The following EVL variants were observed in gnomAD, a reference collection of about 807,000 sequenced individuals.
EVL encodes the protein Enah/Vasp-like.
In EVL, 21 loss-of-function variants were observed where a neutral mutation model predicts 59.6. The ratio of observed to expected loss-of-function variants is 0.35; its 90% CI spans 0.25 to 0.51. EVL has a LOEUF of 0.51. EVL is among the 20% of genes least tolerant of loss of function. The pLI is 0.97. For synonymous variants in EVL, 198 were observed against 203.5 expected, an observed-to-expected ratio of 0.97 and a Z score of 0.23; for missense variants, 462 against 546.6, an observed-to-expected ratio of 0.85 and a Z score of 1.54.
intron 8 of EVL, chr14:100,135,698 C>A: frequency 1.8e-6 from 1 of 545,544 alleles, no homozygotes; most frequent in East Asian, 3.2e-5. Context: ...TAGCCTTCCC[C>A]TTCCCCAGCT....
Position 100,132,712 on chromosome 14 carries a change from T to C in EVL, c.840-7T>C. 3 of 1,614,142 alleles carry C rather than the reference T, an allele frequency of 1.9e-6. No individual in the cohort carries two copies. The highest frequency in any genetic ancestry group is 1.7e-6 in the Non-Finnish European group (2 of 1,180,002). On this transcript the variant is annotated splice_region_variant and splice_polypyrimidine_tract_variant and intron_variant, in intron 7 of 13. Coordinates refer to ENST00000392920, the MANE Select transcript of EVL (RefSeq NM_016337.3). ...CTGATCTGTATCTTCCCCTTCTCTGTGCCTAGGAGAAAAGCAGCCTCCCAG... is the reference window on the plus strand; with the variant it reads ...CTGATCTGTATCTTCCCCTTCTCTGCGCCTAGGAGAAAAGCAGCCTCCCAG...
At chr14:100,104,930 A>G (rs1280964146) in intron 3 of EVL, among the ~76,000 whole-genome samples, 1 of 49,506 alleles carries the variant, frequency 2.0e-5, no homozygotes, top group Non-Finnish European at 3.9e-5. Context: ...TTTTTTTTTA[A>G]CTTTTGGAGC....
intron 1 of EVL, among the ~76,000 whole-genome samples, chr14:100,007,078 T>C (rs1376648484): frequency 1.3e-5 from 2 of 151,986 alleles, no homozygotes; most frequent in Non-Finnish European, 2.9e-5. Flanking sequence ...GAAAGTTTAT[T>C]TTGCCAAGGT....
At chr14:100,031,076 G>T (rs559640900) in intron 1 of EVL, among the ~76,000 whole-genome samples, 1 of 152,172 alleles carries the variant, frequency 6.6e-6, no homozygotes, top group African/African-American at 2.4e-5. Context: ...TACATTCTGG[G>T]GTGGTTCTCC....
chr14:99,975,728 A>G (rs2060765979), intron 1 of EVL, among the ~76,000 whole-genome samples: 1 of 152,200 alleles, frequency 6.6e-6, no homozygotes, highest in Non-Finnish European at 1.5e-5. Flanking sequence ...GCAGGCAGTA[A>G]TGCTCACTCA....
chr14:100,001,654 A>G (rs1164438753), intron 1 of EVL, among the ~76,000 whole-genome samples: 2 of 152,218 alleles, frequency 1.3e-5, no homozygotes, highest in Non-Finnish European at 1.5e-5. Context: ...TCAAATAACT[A>G]TGAGTCAGGT....
At chr14:100,055,837 G>A (rs1304919887) in intron 1 of EVL, among the ~76,000 whole-genome samples, 1 of 131,386 alleles carries the variant, frequency 7.6e-6, no homozygotes, top group Non-Finnish European at 1.6e-5. Context: ...TTTGGAGACG[G>A]AGTCTTGCTC....
At chr14:100,025,992 T>C (rs999715430) in intron 1 of EVL, among the ~76,000 whole-genome samples, 1 of 152,064 alleles carries the variant, frequency 6.6e-6, no homozygotes, top group African/African-American at 2.4e-5. Context: ...GGCTCACGCT[T>C]GTAATCCTAG....
chr14:100,016,088 A>T lies in EVL; in HGVS notation c.5+44031A>T, dbSNP rs559914539. On this transcript the variant is annotated intron_variant, in intron 1 of 13. Coordinates refer to the EVL transcript ENST00000402714. The stretch of plus-strand genomic sequence containing the variant: ...AGTAAGACTCTGTCTCAAAAAAAAA[A>T]AAAAAAAATTAATTATTTATTAATT... 5.2e-4 allele frequency among the ~76,000 whole-genome samples: 78 copies of T among 148,706 alleles called. 2 individuals carry two copies. Among genetic ancestry groups the T allele is most frequent in the African/African-American group, 1.3e-3 (51 of 38,656 alleles).
intron 12 of EVL, 97 bp from the exon 13 acceptor site, chr14:100,141,639 C>T (rs1175897429): frequency 3.5e-6 from 4 of 1,154,508 alleles, no homozygotes; most frequent in South Asian, 1.4e-5. Context: ...TCTGGAGAGG[C>T]CCAGGAGACC....
chr14:100,129,645 G>T lies in EVL; in HGVS notation c.800G>T (p.Gly267Val). 1 of 1,602,820 alleles carries T rather than the reference G, an allele frequency of 6.2e-7. No homozygotes were observed. The highest frequency in any genetic ancestry group is 1.7e-4 in the Middle Eastern group (1 of 6,046). The part of the protein sequence containing the change: ...ANRASSGGGG[G>V]GLMEEMNKLL... The stretch of plus-strand genomic sequence containing the variant: ...CGGGCAAGCAGCGGGGGTGGCGGAG[G>T]AGGCCTCATGGAGGAAATGAACAAA... The change falls in exon 7 of 14, where the codon GGA (glycine) becomes GTA (valine). Residue 267 changes from glycine to valine, a missense_variant. Gly to Val is a moderately radical substitution (Grantham distance 109). Transcript: ENST00000392920.
intron 3 of EVL, among the ~76,000 whole-genome samples, chr14:100,117,744 T>C (rs1887441779): frequency 1.3e-5 from 2 of 152,156 alleles, no homozygotes; most frequent in South Asian, 4.1e-4. Flanking sequence ...CCCCAACTCA[T>C]TGTATTTTCT....
chr14:100,061,133 G>C (rs1470574662), upstream of EVL, among the ~76,000 whole-genome samples: 3 of 152,132 alleles, frequency 2.0e-5, no homozygotes, highest in African/African-American at 7.2e-5. Flanking sequence ...GCTCACGCCT[G>C]TAATCCCAGC....
At chr14:100,128,275 A>G (rs1006098132) in intron 5 of EVL, among the ~76,000 whole-genome samples, 1 of 152,224 alleles carries the variant, frequency 6.6e-6, no homozygotes, top group African/African-American at 2.4e-5. Flanking sequence ...TGTTAAGCAA[A>G]TAGAGGACAC....
At chr14:100,134,161 GT>G (rs1888624205) in intron 8 of EVL, among the ~76,000 whole-genome samples, 1 of 152,192 alleles carries the variant, frequency 6.6e-6, no homozygotes, top group Admixed American at 6.5e-5. Context: ...ATGCTGTGGA[GT>G]TTAGCCAACT....
At position 99,979,930 on chromosome 14, in the gene EVL, G is replaced by C. The variant is rs577524211; in HGVS notation, c.5+7873G>C. Among the ~76,000 whole-genome samples the C allele has an allele frequency of 5.3e-5, 8 of 152,260 alleles. No individual in the cohort carries two copies. The South Asian group carries it at 1.5e-3, about 28-fold the overall frequency. On this transcript the variant is annotated intron_variant, in intron 1 of 13. Coordinates refer to the EVL transcript ENST00000402714. Reference sequence around the variant, plus strand: ...GGATGGTTGTGTCTATACTGAACACGTACTGATATTTTTTCTTGTCATTAT... The same window carrying C: ...GGATGGTTGTGTCTATACTGAACACCTACTGATATTTTTTCTTGTCATTAT...
chr14:100,042,003 A>C lies in EVL; in HGVS notation c.6-42684A>C, dbSNP rs562459595. On this transcript the variant is annotated intron_variant, in intron 1 of 13. Coordinates refer to the EVL transcript ENST00000402714. ...GCCACAAATGGGAGCTGCATGTGGAATTTTAAATATTTAATAACCATATGA... is the reference window on the plus strand; with the variant it reads ...GCCACAAATGGGAGCTGCATGTGGACTTTTAAATATTTAATAACCATATGA... 2.0e-5 allele frequency among the ~76,000 whole-genome samples: 3 copies of C among 152,364 alleles called. 1 individual carries two copies. Among genetic ancestry groups the C allele is most frequent in the African/African-American group, 7.2e-5 (3 of 41,586 alleles).
At chr14:100,001,816 T>G (rs1019087139) in intron 1 of EVL, among the ~76,000 whole-genome samples, 4 of 152,234 alleles carry the variant, frequency 2.6e-5, no homozygotes, top group African/African-American at 9.6e-5. Flanking sequence ...TTTTATTGGC[T>G]CTGTAAGTTA....
chr14:100,141,068 C>A, intron 11 of EVL, 112 bp from the exon 12 acceptor site: 1 of 997,716 alleles, frequency 1.0e-6, no homozygotes, highest in South Asian at 1.6e-5. Flanking sequence ...AGCAAGCAGC[C>A]TCTATGGAGC....
Sources: allele counts gnomAD v4.1 joint callset (sites outside exome capture counted in the v4.1 genomes callset), GRCh38; gene constraint gnomAD v4.1.1; transcripts MANE v1.5; gene names NCBI Gene and HGNC (gene_info 2026-07-23, HGNC 2026-07-21).